CYP2C18: variants seen among roughly 807,000 people sequenced by gnomAD.
CYP2C18 encodes cytochrome P450 family 2 subfamily C member 18, also known as cytochrome P450 2C18.
In CYP2C18, 38 loss-of-function variants were observed where a neutral mutation model predicts 41.3. The observed-to-expected ratio is 0.92, with a 90% CI of 0.71 to 1.21. The LOEUF is 1.21. CYP2C18 is among the 50% of genes most tolerant of loss of function. The pLI is 0.00. For missense variants in CYP2C18, 635 were observed against 591.4 expected, an observed-to-expected ratio of 1.07 and a Z score of -0.77; for synonymous variants, 236 against 210.0, an observed-to-expected ratio of 1.12 and a Z score of -1.07.
intron 3 of CYP2C18, among the ~76,000 whole-genome samples, chr10:94,693,579 C>G (rs917811794): frequency 7.2e-5 from 11 of 152,186 alleles, no homozygotes; most frequent in Non-Finnish European, 1.5e-5. Context: ...CACAAACACA[C>G]TTGCATGCAT....
rs758639306 is a variant in CYP2C18, at chr10:94,724,364, T to C, written c.980T>C (p.Ile327Thr). 14 of 1,613,290 alleles carry C rather than the reference T, an allele frequency of 8.7e-6. No individual in the cohort carries two copies. In the Admixed American group the frequency reaches 1.5e-4, roughly 17 times the overall value. Residue 327 changes from isoleucine (I) to threonine (T), a missense_variant, in exon 7 of 9, where the codon ATT (isoleucine) becomes ACT (threonine). Coordinates refer to ENST00000285979, the MANE Select transcript of CYP2C18 (RefSeq NM_000772.3). ...TTATCAGCTAAAGTCCAGGAAGAGA[T>C]TGAATGTGTAGTTGGCAGAAACCGG... ...PEVTAKVQEEIECVVGRNRSP... is the reference protein window; with the variant it reads ...PEVTAKVQEETECVVGRNRSP...
chr10:94,722,764 G>A (rs769679738), intron 6 of CYP2C18, among the ~76,000 whole-genome samples: 4 of 152,136 alleles, frequency 2.6e-5, no homozygotes, highest in Non-Finnish European at 5.9e-5. Context: ...GCTCACTCAT[G>A]GACAACAGAC....
In CYP2C18 at chr10:94,695,078, G is replaced by C. The variant is rs1332623917; in HGVS notation, c.642+1G>C. 6.2e-7 allele frequency: 1 copy of C among 1,603,804 alleles called. No homozygotes were observed. The highest frequency in any genetic ancestry group is 8.5e-7 in the Non-Finnish European group (1 of 1,177,598). ...GATTCTGAGCTCTCCATGGATCCAG[G>C]TGAGATCAAGAGCTTCTCTTCCTGA... On this transcript the variant is annotated splice_donor_variant, in intron 4 of 8. Transcript: ENST00000285979. LOFTEE classifies it high-confidence loss of function.
chr10:94,687,135 C>T (rs1355607362), intron 1 of CYP2C18, among the ~76,000 whole-genome samples: 1 of 152,158 alleles, frequency 6.6e-6, no homozygotes, highest in African/African-American at 2.4e-5. Context: ...GCATGGAAAA[C>T]ATTTTTCCTC....
intron 2 of CYP2C18, 65 bp from the exon 3 acceptor site, chr10:94,688,060 C>T (rs539428834): frequency 3.7e-5 from 59 of 1,608,468 alleles, no homozygotes; most frequent in African/African-American, 2.1e-4. Flanking sequence ...ACGTGGCTGC[C>T]GAGTGTCAGC....
At chr10:94,734,497 A>G (rs149269255) in intron 8 of CYP2C18, among the ~76,000 whole-genome samples, 2 of 152,292 alleles carry the variant, frequency 1.3e-5, no homozygotes, top group East Asian at 3.9e-4. Flanking sequence ...GAGGAAACCT[A>G]GAGAGGGTGA....
chr10:94,703,636 A>G (rs1847283528), intron 4 of CYP2C18, among the ~76,000 whole-genome samples: 1 of 152,194 alleles, frequency 6.6e-6, no homozygotes, highest in Non-Finnish European at 1.5e-5. Flanking sequence ...GCTGGCAGTG[A>G]GAATTTCAAG....
chr10:94,706,916 A>G lies in CYP2C18; in HGVS notation c.775A>G (p.Ser259Gly). ...KEHQESLDMN[S>G]ARDFIDCFLI... ...ACATCAAGAATCCCTGGACATGAAC[A>G]GTGCTCGGGACTTTATTGATTGTTT... The change falls in exon 5 of 9, where the codon AGT (serine) becomes GGT (glycine). Residue 259 changes from serine to glycine, a missense_variant. Coordinates refer to ENST00000285979, the MANE Select transcript of CYP2C18 (RefSeq NM_000772.3). 1 of 1,611,324 alleles carries G rather than the reference A, an allele frequency of 6.2e-7. No homozygotes were observed. Among genetic ancestry groups the G allele is most frequent in the South Asian group, 1.1e-5 (1 of 90,538 alleles).
At chr10:94,724,701 T>C (rs1347116916) in intron 7 of CYP2C18, among the ~76,000 whole-genome samples, 168 bp downstream of exon 7, 1 of 152,286 alleles carries the variant, frequency 6.6e-6, no homozygotes, top group East Asian at 1.9e-4. Flanking sequence ...TGAAGGTTTA[T>C]AACAGGTCTC....
intron 4 of CYP2C18, among the ~76,000 whole-genome samples, chr10:94,700,672 C>G (rs566913884): frequency 1.3e-5 from 2 of 152,298 alleles, no homozygotes; most frequent in Non-Finnish European, 2.9e-5. Context: ...AAACCACCAT[C>G]AGAGTGAACA....
chr10:94,711,823 A>G (rs1052598417), intron 5 of CYP2C18, among the ~76,000 whole-genome samples: 2 of 151,442 alleles, frequency 1.3e-5, no homozygotes, highest in Admixed American at 1.3e-4. Context: ...CAATATGAAC[A>G]CTTTTTTTTT....
chr10:94,731,442 C>G (rs1227795039), intron 7 of CYP2C18, among the ~76,000 whole-genome samples: 1 of 151,962 alleles, frequency 6.6e-6, no homozygotes. Flanking sequence ...TGATTCAATG[C>G]TATTCCTATC....
At chr10:94,733,219 T>C in intron 7 of CYP2C18, 78 bp from the exon 8 acceptor site, 7 of 1,357,106 alleles carry the variant, frequency 5.2e-6, no homozygotes, top group African/African-American at 1.5e-5. Flanking sequence ...TAAAAGAGAT[T>C]GGACTAGGTG....
At chr10:94,699,842 C>T (rs1190329888) in intron 4 of CYP2C18, among the ~76,000 whole-genome samples, 1 of 152,122 alleles carries the variant, frequency 6.6e-6, no homozygotes, top group Admixed American at 6.5e-5. Flanking sequence ...AACAGAGAAA[C>T]AGAGAGCCAA....
intron 1 of CYP2C18, among the ~76,000 whole-genome samples, chr10:94,687,160 C>T (rs377416180): frequency 6.6e-6 from 1 of 152,204 alleles, no homozygotes; most frequent in East Asian, 1.9e-4. Flanking sequence ...AGATGCCACA[C>T]ATCCTGATAC....
intron 3 of CYP2C18, among the ~76,000 whole-genome samples, chr10:94,689,955 A>G (rs932364150): frequency 6.6e-6 from 1 of 151,790 alleles, no homozygotes; most frequent in African/African-American, 2.4e-5. Flanking sequence ...TATCTCACTC[A>G]TTTCTTCCTG....
intron 5 of CYP2C18, among the ~76,000 whole-genome samples, chr10:94,711,918 T>G (rs1847441856): frequency 6.6e-6 from 1 of 151,660 alleles, no homozygotes; most frequent in Non-Finnish European, 1.5e-5. Flanking sequence ...CATAGCTCAC[T>G]GCAGCCTTGA....
At chr10:94,718,543 A>G (rs949136806) in intron 5 of CYP2C18, among the ~76,000 whole-genome samples, 3 of 152,078 alleles carry the variant, frequency 2.0e-5, no homozygotes, top group East Asian at 1.9e-4. Context: ...AAATCCTTCA[A>G]CTTTCCACTA....
chr10:94,723,441 ATTAG>A (rs1297685831), intron 6 of CYP2C18, among the ~76,000 whole-genome samples: 2 of 152,192 alleles, frequency 1.3e-5, no homozygotes, highest in African/African-American at 4.8e-5. Context: ...TTAGAAAATT[ATTAG>A]TAAGAGTTTG....
Sources: allele counts gnomAD v4.1 joint callset (sites outside exome capture counted in the v4.1 genomes callset), GRCh38; gene constraint gnomAD v4.1.1; transcripts MANE v1.5; gene names NCBI Gene and HGNC (gene_info 2026-07-23, HGNC 2026-07-21).